KIF21A: variants seen among roughly 807,000 people sequenced by gnomAD.
KIF21A encodes the protein kinesin-like protein KIF21A.
In KIF21A, 114 loss-of-function variants were observed where a neutral mutation model predicts 202.9. The ratio of observed to expected loss-of-function variants is 0.56; its 90% confidence interval spans 0.48 to 0.66. The LOEUF (loss-of-function observed/expected upper bound fraction) is 0.66. Ranked by LOEUF, KIF21A falls within the 30% of genes least tolerant of loss-of-function variation. KIF21A has a pLI of 0.00. For missense variants in KIF21A, 1,677 were observed against 1,994.9 expected, an observed-to-expected ratio of 0.84 and a Z score of 3.04; for synonymous variants, 667 against 670.8, an observed-to-expected ratio of 0.99 and a Z score of 0.09.
chr12:39,401,236 A>C (rs1388741816), intron 1 of KIF21A, among the ~76,000 whole-genome samples: 1 of 152,206 alleles, frequency 6.6e-6, no homozygotes, highest in Non-Finnish European at 1.5e-5. Context: ...ATAGTAAGCA[A>C]GGAAAAATAG....
chr12:39,386,610 ACT>A (rs1950964734), intron 1 of KIF21A, among the ~76,000 whole-genome samples: 1 of 152,056 alleles, frequency 6.6e-6, no homozygotes, highest in Non-Finnish European at 1.5e-5. Context: ...AAAGCTACTG[ACT>A]CTTTCTAAGC....
intron 15 of KIF21A, 87 bp downstream of exon 15, chr12:39,340,816 GCTT>G: frequency 2.2e-6 from 2 of 908,470 alleles, no homozygotes; most frequent in South Asian, 1.5e-5. Context: ...GTTTAATACG[GCTT>G]CTATTTTTTT....
chr12:39,358,783 A>G (rs1188045697), intron 7 of KIF21A, among the ~76,000 whole-genome samples: 1 of 152,220 alleles, frequency 6.6e-6, no homozygotes, highest in Non-Finnish European at 1.5e-5. Context: ...GATGCCAGCA[A>G]AGAATTGTAC....
rs372749153 is a variant in KIF21A, at chr12:39,380,864, T to A, written c.45-10603A>T. Among the ~76,000 whole-genome samples the A allele has an allele frequency of 8.5e-4, 130 of 152,298 alleles. 1 individual carries two copies. The highest frequency in any genetic ancestry group is 3.0e-3 in the African/African-American group (125 of 41,556). On this transcript the variant is annotated intron_variant, in intron 1 of 37. Coordinates refer to ENST00000361418, the MANE Select transcript of KIF21A (RefSeq NM_001173464.2). ...CTCATTCTCAGATTAGTTTCTAGCATCTTCTATTTTTTTCTTATTACATTC... is the reference window on the plus strand; with the variant it reads ...CTCATTCTCAGATTAGTTTCTAGCAACTTCTATTTTTTTCTTATTACATTC...
intron 17 of KIF21A, among the ~76,000 whole-genome samples, chr12:39,336,145 C>T (rs994481078): frequency 6.6e-6 from 1 of 152,074 alleles, no homozygotes; most frequent in African/African-American, 2.4e-5. Context: ...TCTAGAACTC[C>T]TGGGCTCAAA....
At chr12:39,422,436 C>T (rs954887857) in intron 1 of KIF21A, among the ~76,000 whole-genome samples, 1 of 152,166 alleles carries the variant, frequency 6.6e-6, no homozygotes, top group African/African-American at 2.4e-5. Context: ...GATAAGACTA[C>T]AATCCTTGAA....
rs577423362 is a variant in KIF21A, at chr12:39,382,327, T to C, written c.45-12066A>G. Reference sequence around the variant, plus strand: ...AAAAGATGACTGAAAACCATTGCCATAGAAAAAATTCCTGCACATGATAAG... The same window carrying C: ...AAAAGATGACTGAAAACCATTGCCACAGAAAAAATTCCTGCACATGATAAG... On this transcript the variant is annotated intron_variant, in intron 1 of 37. Transcript: ENST00000361418. Among the ~76,000 whole-genome samples the C allele has an allele frequency of 5.8e-4, 88 of 152,266 alleles. 1 individual carries two copies. The highest frequency in any genetic ancestry group is 2.0e-3 in the African/African-American group (83 of 41,546).
intron 10 of KIF21A, among the ~76,000 whole-genome samples, chr12:39,353,142 C>T (rs1948523239): frequency 6.6e-6 from 1 of 152,068 alleles, no homozygotes; most frequent in Admixed American, 6.6e-5. Flanking sequence ...CTCTGGAAGG[C>T]ACAGTCAGCT....
rs773298629 is a variant in KIF21A, at chr12:39,304,942, T to A, written c.4443-4A>T. ...TAACTTTCCTGTAGACTGAAACCTT[T>A]AAAAATAAAGAAAAATAGTTTTGTT... On this transcript the variant is annotated splice_region_variant and splice_polypyrimidine_tract_variant and intron_variant, in intron 34 of 37. Coordinates refer to ENST00000361418, the MANE Select transcript of KIF21A (RefSeq NM_001173464.2). 2 of 1,398,710 alleles carry A rather than the reference T, an allele frequency of 1.4e-6. No individual in the cohort carries two copies. Among genetic ancestry groups the A allele is most frequent in the East Asian group, 2.3e-5 (1 of 43,476 alleles). 86.6% of individuals were successfully genotyped at this position (1,398,710 alleles called of 1,614,324 possible).
chr12:39,329,421 C>G (rs1946291503), intron 24 of KIF21A, among the ~76,000 whole-genome samples: 1 of 151,636 alleles, frequency 6.6e-6, no homozygotes, highest in Non-Finnish European at 1.5e-5. Flanking sequence ...TGAATTGAGC[C>G]ACTAAGAACA....
chr12:39,307,792 C>T (rs1451196305), intron 33 of KIF21A, 63 bp from the exon 34 acceptor site: 21 of 1,449,450 alleles, frequency 1.4e-5, no homozygotes, highest in Non-Finnish European at 1.6e-5. Flanking sequence ...CTTAGAATTC[C>T]TTGAATTCCC....
Position 39,400,048 on chromosome 12 carries a change from A to G in KIF21A, c.45-29787T>C, listed in dbSNP as rs558985091. On this transcript the variant is annotated intron_variant, in intron 1 of 37. Coordinates refer to ENST00000361418, the MANE Select transcript of KIF21A (RefSeq NM_001173464.2). ...AACATCGACACAAAGCTCTTTGCTA[A>G]TAAGTGAAAACACTAATACAGAAAC... is the stretch of plus-strand genomic sequence containing the variant. Among the ~76,000 whole-genome samples the G allele has an allele frequency of 1.0e-3, 152 of 152,332 alleles. 2 individuals carry two copies. The highest frequency in any genetic ancestry group is 3.3e-3 in the Admixed American group (51 of 15,296).
intron 27 of KIF21A, chr12:39,321,992 T>A (rs1945320339): frequency 1.3e-5 from 2 of 152,446 alleles, no homozygotes; most frequent in Non-Finnish European, 1.5e-5. Context: ...TGTGGGAAAA[T>A]CTTTCTTTGT....
intron 24 of KIF21A, among the ~76,000 whole-genome samples, chr12:39,327,688 C>T (rs1451840508): frequency 6.6e-6 from 1 of 152,104 alleles, no homozygotes; most frequent in East Asian, 1.9e-4. Context: ...TGGCCAGAGC[C>T]CAGAGGATCT....
chr12:39,390,700 T>C (rs1025438412), intron 1 of KIF21A, among the ~76,000 whole-genome samples: 7 of 151,816 alleles, frequency 4.6e-5, no homozygotes, highest in Non-Finnish European at 1.0e-4. Context: ...AGGAAAAAAA[T>C]ATATATATAT....
intron 10 of KIF21A, among the ~76,000 whole-genome samples, chr12:39,353,768 C>A (rs1592293185): frequency 1.3e-5 from 2 of 152,092 alleles, no homozygotes; most frequent in African/African-American, 4.8e-5. Context: ...CTAGTGCTGA[C>A]AAAGGCCTTT....
chr12:39,409,266 T>A (rs966231924), intron 1 of KIF21A, among the ~76,000 whole-genome samples: 6 of 151,578 alleles, frequency 4.0e-5, no homozygotes, highest in African/African-American at 1.5e-4. Context: ...ACATCTGTAA[T>A]CCCAGCACCT....
intron 1 of KIF21A, among the ~76,000 whole-genome samples, chr12:39,400,301 T>G (rs1254858075): frequency 1.3e-5 from 2 of 152,180 alleles, no homozygotes; most frequent in Non-Finnish European, 2.9e-5. Context: ...TATTTTACAT[T>G]CCGGGGTACA....
At chr12:39,311,050 G>A (rs997316021) in intron 32 of KIF21A, among the ~76,000 whole-genome samples, 1 of 152,032 alleles carries the variant, frequency 6.6e-6, no homozygotes, top group Non-Finnish European at 1.5e-5. Context: ...CCCCTGATAT[G>A]TAGTAAGTGT....
Sources: gnomAD v4.1 joint callset for allele counts (sites outside exome capture counted in the v4.1 genomes callset) on GRCh38, gnomAD v4.1.1 for gene constraint, MANE v1.5 for transcripts, NCBI Gene and HGNC (gene_info 2026-07-23, HGNC 2026-07-21) for gene names.